The following FGF12 variants were observed in gnomAD, a reference collection of about 807,000 sequenced individuals.
The protein encoded by FGF12 is fibroblast growth factor 12.
A neutral mutation model predicts 23.6 loss-of-function variants in FGF12; 14 were observed. The ratio of observed to expected loss-of-function variants is 0.59; its 90% confidence interval spans 0.39 to 0.93. FGF12 has a LOEUF of 0.93. Among genes scored for constraint, FGF12 ranks in the 40% least tolerant of loss-of-function variants. FGF12 has a pLI of 0.00. For missense variants in FGF12, 175 were observed against 217.8 expected (o/e 0.80, Z 1.24); for synonymous variants, 62 against 77.3 (o/e 0.80, Z 1.04).
chr3:192,262,947 C>T (rs973236212), intron 4 of FGF12, among the ~76,000 whole-genome samples: 4 of 151,888 alleles, frequency 2.6e-5, no homozygotes, highest in Non-Finnish European at 5.9e-5. Context: ...ATTTCTAAAA[C>T]GTAAGAAATC....
chr3:192,565,348 TA>T (rs890138728), intron 2 of FGF12, among the ~76,000 whole-genome samples: 13 of 152,238 alleles, frequency 8.5e-5, no homozygotes, highest in African/African-American at 3.1e-4. Flanking sequence ...TAGCAAATAT[TA>T]GTTGAACACT....
At chr3:192,521,836 G>A (rs1195441171) in intron 2 of FGF12, among the ~76,000 whole-genome samples, 1 of 151,774 alleles carries the variant, frequency 6.6e-6, no homozygotes, top group Non-Finnish European at 1.5e-5. Context: ...GAGCCTTTTC[G>A]CCTCCAAATT....
At chr3:192,254,792 T>C (rs1712274979) in intron 4 of FGF12, among the ~76,000 whole-genome samples, 1 of 152,066 alleles carries the variant, frequency 6.6e-6, no homozygotes. Context: ...AACAATTCAA[T>C]CAAAAGAAGT....
intron 4 of FGF12, among the ~76,000 whole-genome samples, chr3:192,273,683 T>A (rs966879816): frequency 2.6e-5 from 4 of 152,306 alleles, no homozygotes; most frequent in Middle Eastern, 3.4e-3. Flanking sequence ...TGGATGTATA[T>A]CTGACACTGG....
intron 2 of FGF12, among the ~76,000 whole-genome samples, chr3:192,416,366 G>A (rs139087740): frequency 3.4e-4 from 52 of 152,268 alleles, no homozygotes; most frequent in African/African-American, 1.2e-3. Flanking sequence ...TAGATAAGTT[G>A]TCCTTACATA....
chr3:192,474,221 T>C (rs1723251820), intron 2 of FGF12, among the ~76,000 whole-genome samples: 1 of 152,392 alleles, frequency 6.6e-6, no homozygotes, highest in East Asian at 1.9e-4. Context: ...TGTTTAACGA[T>C]GTAGAAATTA....
At position 192,517,452 on chromosome 3, in the gene FGF12, C is replaced by T. The variant is rs528107302; in HGVS notation, c.14-156914G>A. Among the ~76,000 whole-genome samples, 2 of 152,316 alleles carry T rather than the reference C, an allele frequency of 1.3e-5. 1 individual carries two copies. Among genetic ancestry groups the T allele is most frequent in the Admixed American group, 1.3e-4 (2 of 15,298 alleles). ...CTTTTAGGATGCAAAGCAGGAAAGA[C>T]AACTCAGTACAATTAATATTCAAAT... On this transcript the variant is annotated intron_variant, in intron 2 of 5. Transcript: ENST00000445105.
chr3:192,522,757 AT>A (rs950705538), intron 2 of FGF12, among the ~76,000 whole-genome samples: 4 of 152,196 alleles, frequency 2.6e-5, no homozygotes, highest in African/African-American at 9.7e-5. Context: ...ATGTGCTACA[AT>A]TTTTTTAATA....
chr3:192,428,488 A>C (rs1434791614), intron 2 of FGF12, among the ~76,000 whole-genome samples: 1 of 152,202 alleles, frequency 6.6e-6, no homozygotes, highest in African/African-American at 2.4e-5. Flanking sequence ...TCTGAAAAAT[A>C]AATTAGAGTA....
At chr3:192,660,919 C>A (rs1716643056) in intron 2 of FGF12, among the ~76,000 whole-genome samples, 1 of 151,300 alleles carries the variant, frequency 6.6e-6, no homozygotes, top group Non-Finnish European at 1.5e-5. Context: ...ACAGGCTGGA[C>A]ACATGCTATA....
intron 2 of FGF12, among the ~76,000 whole-genome samples, chr3:192,469,961 T>A (rs1426881168): frequency 1.3e-5 from 2 of 152,182 alleles, no homozygotes; most frequent in East Asian, 3.9e-4. Flanking sequence ...AGATTCTGCA[T>A]ATCATGATGG....
chr3:192,496,485 T>G (rs1450665649), intron 2 of FGF12, among the ~76,000 whole-genome samples: 1 of 152,152 alleles, frequency 6.6e-6, no homozygotes, highest in Non-Finnish European at 1.5e-5. Flanking sequence ...CTTCTTCTAG[T>G]CAATCTATCT....
intron 2 of FGF12, among the ~76,000 whole-genome samples, chr3:192,599,440 A>C (rs1440076655): frequency 1.3e-5 from 2 of 151,966 alleles, no homozygotes; most frequent in Non-Finnish European, 2.9e-5. Context: ...TTACCTGTTA[A>C]ATGTTACCTA....
chr3:192,392,374 C>T (rs1204775238), intron 2 of FGF12, among the ~76,000 whole-genome samples: 2 of 150,782 alleles, frequency 1.3e-5, no homozygotes, highest in Non-Finnish European at 3.0e-5. Context: ...TCGAGACCAG[C>T]CTGACCAACA....
At chr3:192,626,618 G>A (rs1715178939) in intron 2 of FGF12, among the ~76,000 whole-genome samples, 1 of 152,094 alleles carries the variant, frequency 6.6e-6, no homozygotes, top group South Asian at 2.1e-4. Flanking sequence ...TTTGTTTGTT[G>A]TTTGTTTATT....
At chr3:192,365,843 C>A (rs1240112458) in intron 2 of FGF12, among the ~76,000 whole-genome samples, 1 of 151,648 alleles carries the variant, frequency 6.6e-6, no homozygotes, top group African/African-American at 2.4e-5. Context: ...CCTAGGTACA[C>A]GATGGAAACC....
intron 4 of FGF12, among the ~76,000 whole-genome samples, chr3:192,212,690 G>A (rs72625049): frequency 0.33 from 49,872 of 150,702 alleles, 9,356 homozygotes; most frequent in East Asian, 0.89. Flanking sequence ...TTCAGGATTT[G>A]TCATTTAACA....
intron 2 of FGF12, among the ~76,000 whole-genome samples, chr3:192,683,635 A>T (rs71314405): frequency 0.13 from 20,069 of 151,924 alleles, 1,589 homozygotes; most frequent in African/African-American, 0.21. Flanking sequence ...TTAAAAAAAA[A>T]TTTTTTTCTA....
chr3:192,193,086 G>C (rs1716884197), intron 4 of FGF12, among the ~76,000 whole-genome samples: 1 of 152,026 alleles, frequency 6.6e-6, no homozygotes, highest in African/African-American at 2.4e-5. Context: ...CAGTGGTCTG[G>C]GTTCTCAAGC....
Sources: allele counts gnomAD v4.1 joint callset (sites outside exome capture counted in the v4.1 genomes callset), GRCh38; gene constraint gnomAD v4.1.1; transcripts MANE v1.5; gene names NCBI Gene and HGNC (gene_info 2026-07-23, HGNC 2026-07-21).